The following CCDC57 variants were observed in gnomAD, a reference collection of about 807,000 sequenced individuals.
The protein encoded by CCDC57 is coiled-coil domain containing 57, also known as coiled-coil domain-containing protein 57.
Under a neutral mutation model 118.9 loss-of-function variants are expected in CCDC57, and 118 were observed. The ratio of observed to expected loss-of-function variants is 0.99; its 90% confidence interval spans 0.86 to 1.16. The LOEUF (loss-of-function observed/expected upper bound fraction) is 1.16. CCDC57 is among the 50% of genes most tolerant of loss of function. The pLI, the probability that CCDC57 is intolerant of heterozygous loss-of-function variation, is 0.00. For missense variants in CCDC57, 1,300 were observed against 1,320.7 expected, an observed-to-expected ratio of 0.98 and a Z score of 0.24; for synonymous variants, 527 against 532.9, an observed-to-expected ratio of 0.99 and a Z score of 0.15.
At chr17:82,149,642 C>A (rs2041574887) in intron 16 of CCDC57, among the ~76,000 whole-genome samples, 1 of 152,082 alleles carries the variant, frequency 6.6e-6, no homozygotes, top group South Asian at 2.1e-4. Flanking sequence ...CCGACCAGGC[C>A]CCGCTCACAA....
At chr17:82,177,684 GGA>G (rs1371808441) in intron 11 of CCDC57, among the ~76,000 whole-genome samples, 3 of 152,202 alleles carry the variant, frequency 2.0e-5, no homozygotes, top group Non-Finnish European at 2.9e-5. Context: ...AAATTGAATG[GGA>G]GAGAATGCGC....
chr17:82,151,726 A>C, exon 16 of CCDC57: 2 of 1,550,226 alleles, frequency 1.3e-6, no homozygotes, highest in African/African-American at 2.7e-5. Context: ...GGTGCAGGAA[A>C]AGCTCCCCCT....
At chr17:82,157,683 C>T in intron 15 of CCDC57, 65 bp downstream of exon 14, 7 of 1,517,018 alleles carry the variant, frequency 4.6e-6, no homozygotes, top group Non-Finnish European at 4.4e-6. Context: ...TGGCAGAGCA[C>T]AGGCAAGGAC....
In CCDC57 at chr17:82,212,644, G is replaced by A. The variant is rs1017146639; in HGVS notation, c.-211+141C>T. 6.6e-6 allele frequency: 1 copy of A among 151,716 alleles called. No individual in the cohort carries two copies. Among genetic ancestry groups the A allele is most frequent in the African/African-American group, 2.4e-5 (1 of 41,254 alleles). The allele number at this position is 151,716 out of a possible 1,614,324, so 9.4% of individuals were successfully genotyped here. ...CGGTCCGGGCCTGGCCGAGCTCTGA[G>A]GGTCGACCTCGCGCTCCAGGTCCCC... is the stretch of plus-strand genomic sequence containing the variant. On this transcript the variant is annotated intron_variant, in intron 1 of 19. Coordinates refer to ENST00000665763, the Ensembl canonical transcript of CCDC57. The surrounding 1 kb of genome is among the most constrained non-coding windows in gnomAD (Gnocchi z 4.1).
chr17:82,171,385 G>A (rs2044706927), intron 13 of CCDC57, among the ~76,000 whole-genome samples: 1 of 146,342 alleles, frequency 6.8e-6, no homozygotes, highest in South Asian at 2.2e-4. Context: ...GCCAGGGCAC[G>A]TGGGCTCTGG....
At chr17:82,130,637 G>C (rs1306829005) in intron 17 of CCDC57, among the ~76,000 whole-genome samples, 1 of 150,716 alleles carries the variant, frequency 6.6e-6, no homozygotes, top group African/African-American at 2.4e-5. Flanking sequence ...CGAGTAGCTG[G>C]GATTATAGGT....
chr17:82,114,499 A>G (rs1221901424), intron 19 of CCDC57, among the ~76,000 whole-genome samples: 1 of 152,272 alleles, frequency 6.6e-6, no homozygotes, highest in Non-Finnish European at 1.5e-5. Flanking sequence ...GGCCCAGAAC[A>G]GTCTCAGCTC....
At chr17:82,190,984 A>G (rs2047604170) in intron 7 of CCDC57, among the ~76,000 whole-genome samples, 1 of 151,974 alleles carries the variant, frequency 6.6e-6, no homozygotes, top group South Asian at 2.1e-4. Flanking sequence ...AAAGCCACGG[A>G]AGCCATCCAG....
chr17:82,150,316 T>A lies in CCDC57; in HGVS notation c.2455+1244A>T, dbSNP rs74468810. Among the ~76,000 whole-genome samples the A allele has an allele frequency of 3.7e-3, 67 of 17,916 alleles. 1 individual carries two copies. The highest frequency in any genetic ancestry group is 6.2e-3 in the South Asian group (3 of 482). 11.8% of individuals were successfully genotyped at this position (17,916 alleles called of 152,430 possible). On this transcript the variant is annotated intron_variant, in intron 16 of 19. Transcript: ENST00000665763. ...AACCTGGTGCACACCCAGAACCAGG[T>A]GCACACTCAGAACCTGACCCGCACC... is the stretch of plus-strand genomic sequence containing the variant.
chr17:82,177,450 C>T (rs56283054), intron 11 of CCDC57, among the ~76,000 whole-genome samples: 38,117 of 151,962 alleles, frequency 0.25, 5,427 homozygotes, highest in Non-Finnish European at 0.33. Context: ...GCAGCTGAGA[C>T]GGGAGGATTG....
At chr17:82,121,723 C>T (rs117647065) in intron 19 of CCDC57, among the ~76,000 whole-genome samples, 2,229 of 152,306 alleles carry the variant, frequency 0.015, 32 homozygotes, top group Non-Finnish European at 0.024. Flanking sequence ...TCAGTCAGCG[C>T]GTCCTGCCAT....
intron 11 of CCDC57, among the ~76,000 whole-genome samples, chr17:82,176,984 G>A (rs2045600454): frequency 6.6e-6 from 1 of 152,090 alleles, no homozygotes; most frequent in Non-Finnish European, 1.5e-5. Flanking sequence ...GGTGGCTCAC[G>A]CCTGTAATCC....
chr17:82,173,459 G>A (rs2045037653), intron 11 of CCDC57, among the ~76,000 whole-genome samples: 1 of 152,132 alleles, frequency 6.6e-6, no homozygotes, highest in African/African-American at 2.4e-5. Context: ...CAGAGCTCTG[G>A]AGACCATGAA....
At chr17:82,188,486 G>A in intron 7 of CCDC57, 67 bp from the exon 7 acceptor site, 1 of 1,496,336 alleles carries the variant, frequency 6.7e-7, no homozygotes, top group Non-Finnish European at 9.0e-7. Context: ...GACCCTCTTT[G>A]GAGGCGTTCA....
At chr17:82,145,794 G>A (rs1359651111) in intron 16 of CCDC57, 32 of 465,994 alleles carry the variant, frequency 6.9e-5, no homozygotes, top group Middle Eastern at 3.3e-4. Flanking sequence ...GGTCTCGGCC[G>A]GAACCCTGTA....
chr17:82,116,906 TC>T (rs976860584), intron 19 of CCDC57, among the ~76,000 whole-genome samples: 2 of 152,220 alleles, frequency 1.3e-5, no homozygotes, highest in African/African-American at 4.8e-5. Context: ...CTGTCTCCCT[TC>T]GAGTCCCTGA....
In CCDC57 at chr17:82,165,619, A is replaced by G. The variant is rs150537539; in HGVS notation, c.1883-2262T>C. Among the ~76,000 whole-genome samples, 272 of 152,300 alleles carry G rather than the reference A, an allele frequency of 1.8e-3. 2 individuals are homozygous for G. The highest frequency in any genetic ancestry group is 3.4e-3 in the Middle Eastern group (1 of 294). ...ATGGTCCTGCAGCCTGCTGTGGACA[A>G]AGGCCAGCTGGGCTTCTGGGAGAGC... On this transcript the variant is annotated intron_variant, in intron 13 of 19. Coordinates refer to ENST00000665763, the Ensembl canonical transcript of CCDC57.
At chr17:82,184,031 G>GCGCGCGCGCGCGCA in intron 8 of CCDC57, 99 bp from the exon 8 acceptor site, 47 of 131,854 alleles carry the variant, frequency 3.6e-4, no homozygotes, top group Non-Finnish European at 6.2e-4. Context: ...GCGCGCGCGC[G>GCGCGCGCGCGCGCA]CACACACACA....
chr17:82,119,084 C>CG (rs1435696859), intron 19 of CCDC57, among the ~76,000 whole-genome samples: 734 of 26,216 alleles, frequency 0.028, 12 homozygotes, highest in African/African-American at 0.11. Flanking sequence ...ACTGAGCGGG[C>CG]GGGAGGTGGG....
Sources: gnomAD v4.1 joint callset for allele counts (sites outside exome capture counted in the v4.1 genomes callset) on GRCh38, gnomAD v4.1.1 for gene constraint, Gnocchi (gnomAD v3.1) non-coding constraint, MANE v1.5 for transcripts, NCBI Gene and HGNC (gene_info 2026-07-23, HGNC 2026-07-21) for gene names.